Variants in PDE4D observed in about 807,000 individuals in gnomAD.
The protein encoded by PDE4D is 3',5'-cyclic-AMP phosphodiesterase 4D.
In PDE4D, 24 loss-of-function variants were observed where a neutral mutation model predicts 87.4. The ratio of observed to expected loss-of-function variants is 0.27; its 90% confidence interval spans 0.20 to 0.39. The LOEUF (loss-of-function observed/expected upper bound fraction) is 0.39, where lower values mean the gene tolerates loss of function less well. PDE4D is among the 10% of genes least tolerant of loss of function. PDE4D has a pLI of 1.00. For missense variants in PDE4D, 714 were observed against 1,041.0 expected (o/e 0.69, Z 4.32); for synonymous variants, 384 against 383.2 (o/e 1.00, Z -0.02).
intron 1 of PDE4D, among the ~76,000 whole-genome samples, chr5:60,199,150 T>C (rs988996238): frequency 1.3e-5 from 2 of 151,758 alleles, no homozygotes; most frequent in Non-Finnish European, 2.9e-5. Flanking sequence ...CCCATCACTT[T>C]TCCAGCAAGA....
chr5:59,084,178 A>G (rs1467622465), intron 5 of PDE4D, among the ~76,000 whole-genome samples: 1 of 152,106 alleles, frequency 6.6e-6, no homozygotes, highest in African/African-American at 2.4e-5. Context: ...AAGATTAAAA[A>G]AGGAACTAAC....
At chr5:59,575,611 A>G (rs1267133157) in intron 1 of PDE4D, among the ~76,000 whole-genome samples, 1 of 152,164 alleles carries the variant, frequency 6.6e-6, no homozygotes, top group Non-Finnish European at 1.5e-5. Context: ...CAAGATGACA[A>G]TTTTTATAGA....
intron 2 of PDE4D, among the ~76,000 whole-genome samples, chr5:60,039,510 C>T (rs1222576391): frequency 1.3e-5 from 2 of 151,640 alleles, no homozygotes; most frequent in African/African-American, 4.9e-5. Flanking sequence ...GGGTGCAGCA[C>T]ACCAGCATGG....
In PDE4D at chr5:60,232,219, C is replaced by G. The variant is rs146083256; in HGVS notation, c.-89-46532G>C. ...TATAAAGTTTAGTAACATTAAGACACAATGAAATACTGTGGGAAATGCTTT... is the reference window on the plus strand; with the variant it reads ...TATAAAGTTTAGTAACATTAAGACAGAATGAAATACTGTGGGAAATGCTTT... On this transcript the variant is annotated intron_variant, in intron 1 of 16. Transcript: ENST00000502484. 7.9e-5 allele frequency among the ~76,000 whole-genome samples: 12 copies of G among 151,986 alleles called. 1 individual carries two copies. In the East Asian group the frequency reaches 2.3e-3, roughly 29 times the overall value.
chr5:59,355,619 T>A (rs1781257962), intron 1 of PDE4D, among the ~76,000 whole-genome samples: 1 of 152,168 alleles, frequency 6.6e-6, no homozygotes, highest in Admixed American at 6.5e-5. Context: ...AACAAATAAA[T>A]CATTATTTTA....
intron 2 of PDE4D, among the ~76,000 whole-genome samples, chr5:60,183,887 T>C (rs1237568427): frequency 6.6e-6 from 1 of 152,206 alleles, no homozygotes; most frequent in Non-Finnish European, 1.5e-5. Flanking sequence ...TCTGGCTCTT[T>C]TTTTCTGATA....
At chr5:59,566,491 CTG>C (rs916506931) in intron 1 of PDE4D, among the ~76,000 whole-genome samples, 2 of 151,462 alleles carry the variant, frequency 1.3e-5, no homozygotes, top group Non-Finnish European at 2.9e-5. Context: ...TTTTTGAACC[CTG>C]TGTGTCTTTC....
intron 1 of PDE4D, among the ~76,000 whole-genome samples, chr5:59,591,529 A>G (rs1048517609): frequency 6.6e-6 from 1 of 152,138 alleles, no homozygotes; most frequent in African/African-American, 2.4e-5. Context: ...GGTATAATCA[A>G]TAGCTAATGT....
intron 1 of PDE4D, among the ~76,000 whole-genome samples, chr5:60,216,220 T>G (rs1257166286): frequency 6.6e-6 from 1 of 152,096 alleles, no homozygotes; most frequent in Non-Finnish European, 1.5e-5. Flanking sequence ...GAGTCTGGAA[T>G]TGCATCTTGT....
chr5:60,264,121 G>C (rs1359752535), intron 1 of PDE4D, among the ~76,000 whole-genome samples: 4 of 152,124 alleles, frequency 2.6e-5, no homozygotes, highest in Non-Finnish European at 5.9e-5. Context: ...GTGAGACTTA[G>C]ATTGGAGGAA....
chr5:59,342,806 A>C (rs575353660), intron 1 of PDE4D, among the ~76,000 whole-genome samples: 1 of 152,292 alleles, frequency 6.6e-6, no homozygotes, highest in South Asian at 2.1e-4. Context: ...ATTCATTTAA[A>C]AATATTTAAC....
chr5:60,260,690 G>T (rs910174171), intron 1 of PDE4D, among the ~76,000 whole-genome samples: 1 of 151,976 alleles, frequency 6.6e-6, no homozygotes, highest in Non-Finnish European at 1.5e-5. Context: ...TGGATGCAGC[G>T]CTGTTTATAT....
intron 1 of PDE4D, among the ~76,000 whole-genome samples, chr5:60,324,733 C>A (rs991209351): frequency 3.9e-5 from 6 of 152,184 alleles, no homozygotes; most frequent in Middle Eastern, 6.3e-3. Flanking sequence ...ACATACATGA[C>A]CAGGGACAAA....
intron 1 of PDE4D, chr5:59,768,557 T>C (rs769350164): frequency 6.3e-7 from 1 of 1,590,012 alleles, no homozygotes. Flanking sequence ...GGCAACGTGG[T>C]TCCCTCGCTC....
chr5:59,426,235 A>G (rs1386476985), intron 1 of PDE4D, among the ~76,000 whole-genome samples: 1 of 152,202 alleles, frequency 6.6e-6, no homozygotes, highest in East Asian at 1.9e-4. Flanking sequence ...TCTGCTGTTT[A>G]AGCCACCAAA....
intron 1 of PDE4D, among the ~76,000 whole-genome samples, chr5:59,422,789 T>C (rs923297701): frequency 7.2e-5 from 11 of 152,224 alleles, no homozygotes; most frequent in Admixed American, 2.6e-4. Context: ...GGTTGGGTGA[T>C]GGATAAATGC....
chr5:59,065,720 T>C (rs968549232), intron 5 of PDE4D, among the ~76,000 whole-genome samples: 1 of 152,146 alleles, frequency 6.6e-6, no homozygotes, highest in Admixed American at 6.6e-5. Context: ...AATGAAAACT[T>C]AGGAATCCCA....
intron 1 of PDE4D, among the ~76,000 whole-genome samples, chr5:59,289,134 A>G (rs114588249): frequency 6.0e-4 from 91 of 152,204 alleles, no homozygotes; most frequent in African/African-American, 2.0e-3. Context: ...AATAACTACA[A>G]CTATTTTTTG....
chr5:60,307,742 T>C (rs1389207470), intron 1 of PDE4D, among the ~76,000 whole-genome samples: 1 of 151,912 alleles, frequency 6.6e-6, no homozygotes, highest in Admixed American at 6.6e-5. Context: ...CTGTTTTTGC[T>C]ATGAAAAGTA....
Sources: gnomAD v4.1 joint callset for allele counts (sites outside exome capture counted in the v4.1 genomes callset) on GRCh38, gnomAD v4.1.1 for gene constraint, MANE v1.5 for transcripts, NCBI Gene and HGNC (gene_info 2026-07-23, HGNC 2026-07-21) for gene names.